ST18: variants seen among roughly 807,000 people sequenced by gnomAD.
ST18 encodes suppression of tumorigenicity 18 protein.
Under a neutral mutation model 110.0 loss-of-function variants are expected in ST18, and 50 were observed. That is an observed-to-expected ratio of 0.45 (90% CI 0.36 to 0.58). ST18 has a LOEUF of 0.58. Among genes scored for constraint, ST18 ranks in the 20% least tolerant of loss-of-function variants. The probability of loss-of-function intolerance (pLI) is 0.00; values close to 1 mark genes in which losing one functional copy is unlikely to be tolerated. For synonymous variants in ST18, 461 were observed against 452.4 expected (o/e 1.02, Z -0.24); for missense variants, 1,306 against 1,280.1 (o/e 1.02, Z -0.31).
intron 2 of ST18, among the ~76,000 whole-genome samples, chr8:52,363,633 T>C (rs142693251): frequency 1.6e-4 from 25 of 152,232 alleles, no homozygotes; most frequent in Non-Finnish European, 7.3e-5. Flanking sequence ...CAACATATAT[T>C]AAGCATGTTA....
chr8:52,227,525 A>G (rs2089908578), intron 3 of ST18, among the ~76,000 whole-genome samples: 1 of 152,224 alleles, frequency 6.6e-6, no homozygotes, highest in African/African-American at 2.4e-5. Flanking sequence ...ACCAATTGAA[A>G]GGACACCAAT....
chr8:52,351,417 A>G (rs1820277260), intron 2 of ST18, among the ~76,000 whole-genome samples: 1 of 152,246 alleles, frequency 6.6e-6, no homozygotes, highest in South Asian at 2.1e-4. Context: ...GTACTTAATT[A>G]CAGATTCCTT....
chr8:52,385,468 C>T (rs1286402108), intron 2 of ST18, among the ~76,000 whole-genome samples: 1 of 152,010 alleles, frequency 6.6e-6, no homozygotes, highest in East Asian at 1.9e-4. Flanking sequence ...GGCGTGATGG[C>T]AGGAGCCTGT....
Position 52,297,644 on chromosome 8 carries a change from TC to T in ST18, c.-464-67568del, listed in dbSNP as rs531218330. Among the ~76,000 whole-genome samples the T allele has an allele frequency of 1.6e-3, 244 of 152,254 alleles. 2 individuals carry two copies. Among genetic ancestry groups the T allele is most frequent in the African/African-American group, 5.6e-3 (233 of 41,546 alleles). ...AGTTAAAGGCACCTACATCAAAACA[TC>T]ATAAATTATAAAAGCTATTAATAAA... On this transcript the variant is annotated intron_variant, in intron 2 of 25. Transcript: ENST00000689386.
intron 25 of ST18, among the ~76,000 whole-genome samples, chr8:52,115,128 T>C (rs1274337333): frequency 3.3e-5 from 5 of 152,178 alleles, no homozygotes; most frequent in Non-Finnish European, 1.5e-5. Context: ...ATATTTGGAA[T>C]CGGTTAAGAT....
rs969113461 is a variant in ST18 at position 52,143,416 on chromosome 8, C to T, written c.2053-371G>A. Among the ~76,000 whole-genome samples the T allele has an allele frequency of 4.0e-5, 6 of 151,842 alleles. No individual in the cohort carries two copies. The South Asian group carries it at 6.2e-4, about 16-fold the overall frequency. On this transcript the variant is annotated intron_variant, in intron 16 of 25. Coordinates refer to ENST00000689386, the MANE Select transcript of ST18 (RefSeq NM_001352837.2). ...AGGAGAATTGCGTGAACCCGGGAAG[C>T]GGGGGTTACAGTGAGCCGAGATGGC...
chr8:52,306,291 C>T lies in ST18; in HGVS notation c.-464-76214G>A, dbSNP rs150938035. ...CCTAGAATGATCACATTCTGGCATGCTCAACAATTCCCTTGTTTATTACAC... is the reference window on the plus strand; with the variant it reads ...CCTAGAATGATCACATTCTGGCATGTTCAACAATTCCCTTGTTTATTACAC... On this transcript the variant is annotated intron_variant, in intron 2 of 25. Coordinates refer to ENST00000689386, the MANE Select transcript of ST18 (RefSeq NM_001352837.2). Among the ~76,000 whole-genome samples, 114 of 152,308 alleles carry T rather than the reference C, an allele frequency of 7.5e-4. No homozygotes were observed. The East Asian group carries it at 0.011, about 14-fold the overall frequency.
Position 52,271,775 on chromosome 8 carries a change from G to T in ST18, c.-464-41698C>A, listed in dbSNP as rs974636744. On this transcript the variant is annotated intron_variant, in intron 2 of 25. Coordinates refer to ENST00000689386, the MANE Select transcript of ST18 (RefSeq NM_001352837.2). The stretch of plus-strand genomic sequence containing the variant: ...GTACAGTGTTTAATACTGAGAAGAA[G>T]CTGTTCAACAAATGTTTGTGGATTA... 7.2e-5 allele frequency among the ~76,000 whole-genome samples: 11 copies of T among 152,314 alleles called. 1 individual carries two copies. Among genetic ancestry groups the T allele is most frequent in the East Asian group, 5.8e-4 (3 of 5,182 alleles).
chr8:52,333,196 A>G lies in ST18; in HGVS notation c.-465+76132T>C, dbSNP rs544835695. ...ACATATTTGAGGTATTAAAGAGGAA[A>G]TTCTTCAGCTAGGTTATCCTAAACG... On this transcript the variant is annotated intron_variant, in intron 2 of 25. Transcript: ENST00000689386. Among the ~76,000 whole-genome samples the G allele has an allele frequency of 3.3e-5, 5 of 152,296 alleles. No homozygotes were observed. In the South Asian group the frequency reaches 1.0e-3, roughly 32 times the overall value.
intron 22 of ST18, among the ~76,000 whole-genome samples, chr8:52,131,072 A>G (rs2049373313): frequency 6.6e-6 from 1 of 152,250 alleles, no homozygotes; most frequent in Non-Finnish European, 1.5e-5. Context: ...GAATATTTAA[A>G]TATCTTTAAA....
Position 52,172,530 on chromosome 8 carries a change from T to C in ST18, c.331A>G (p.Asn111Asp), listed in dbSNP as rs1004230428. The change falls in exon 10 of 26, where the codon AAC becomes GAC. Residue 111 changes from asparagine to aspartate, a missense_variant. By Grantham distance (23) the Asn-to-Asp change is conservative. Transcript: ENST00000689386. ...DESLLSTAQE[N>D]SSRKEDRYSC... ...TATCTGTCTTCCTTCCTACTGGAGT[T>C]TTCTTGTGCAGTTGAAAGAAGACTT... 15 of 1,608,968 alleles carry C rather than the reference T, an allele frequency of 9.3e-6. No homozygotes were observed. Among genetic ancestry groups the C allele is most frequent in the African/African-American group, 2.7e-5 (2 of 74,602 alleles).
intron 2 of ST18, among the ~76,000 whole-genome samples, chr8:52,238,170 A>G (rs2092940021): frequency 6.6e-6 from 1 of 152,222 alleles, no homozygotes; most frequent in African/African-American, 2.4e-5. Context: ...CAAATGGTTA[A>G]ACATAGAGTT....
chr8:52,136,176 GT>G (rs955161083), intron 19 of ST18, among the ~76,000 whole-genome samples: 1 of 152,132 alleles, frequency 6.6e-6, no homozygotes, highest in Non-Finnish European at 1.5e-5. Flanking sequence ...TGGTTTGGGT[GT>G]TTTTGGCACC....
At chr8:52,329,223 GTGTGTGTGTGTGTGTGTGTGTGTTTC>G (rs1807972534) in intron 2 of ST18, among the ~76,000 whole-genome samples, 1 of 99,216 alleles carries the variant, frequency 1.0e-5, no homozygotes, top group South Asian at 2.6e-4. Context: ...GTATTTATGT[GTGTGTGTGTGTGTGTGTGTGTGTTTC>G]TGTGTGTGTG....
chr8:52,250,061 T>C (rs1342945637), intron 2 of ST18, among the ~76,000 whole-genome samples: 2 of 151,124 alleles, frequency 1.3e-5, no homozygotes, highest in Non-Finnish European at 2.9e-5. Flanking sequence ...CCCTTTTAAC[T>C]CCTATGAAAA....
chr8:52,191,815 C>T (rs945871269), intron 8 of ST18, among the ~76,000 whole-genome samples: 8 of 152,026 alleles, frequency 5.3e-5, no homozygotes, highest in African/African-American at 9.7e-5. Context: ...ATGGGCAAAG[C>T]GAAGAGCTTA....
chr8:52,270,148 G>A (rs958689012), intron 2 of ST18, among the ~76,000 whole-genome samples: 13 of 152,044 alleles, frequency 8.6e-5, no homozygotes, highest in Admixed American at 6.6e-5. Flanking sequence ...TTCTCTCATG[G>A]GAAAATGTTT....
At chr8:52,214,125 A>G in intron 7 of ST18, 78 bp downstream of exon 7, 1 of 1,448,562 alleles carries the variant, frequency 6.9e-7, no homozygotes, top group Non-Finnish European at 9.7e-7. Context: ...CTGACTGCAC[A>G]CGAGGGACTG....
intron 19 of ST18, among the ~76,000 whole-genome samples, chr8:52,133,814 T>G (rs1428460155): frequency 6.6e-6 from 1 of 151,972 alleles, no homozygotes; most frequent in Non-Finnish European, 1.5e-5. Context: ...TACTGCAACC[T>G]CCAACTCCCA....
Sources: allele counts gnomAD v4.1 joint callset (sites outside exome capture counted in the v4.1 genomes callset), GRCh38; gene constraint gnomAD v4.1.1; transcripts MANE v1.5; gene names NCBI Gene and HGNC (gene_info 2026-07-23, HGNC 2026-07-21).